The following GP6 variants were observed in gnomAD, a reference collection of about 807,000 sequenced individuals.
GP6 encodes the protein glycoprotein VI platelet.
Under a neutral mutation model 37.3 loss-of-function variants are expected in GP6, and 45 were observed. That is an observed-to-expected ratio of 1.21 (90% CI 0.95 to 1.55). GP6 has a LOEUF of 1.55. GP6 is among the 40% of genes most tolerant of loss of function. The pLI is 0.00. For synonymous variants in GP6, 340 were observed against 316.4 expected, an observed-to-expected ratio of 1.07 and a Z score of -0.79; for missense variants, 813 against 760.2, an observed-to-expected ratio of 1.07 and a Z score of -0.82.
At position 55,027,843 on chromosome 19, in the gene GP6, C is replaced by A; in HGVS notation, c.345G>T (p.Ser115=). ...CCGCCGGGCCGGGCTGGGCTGAGAG[C>A]GAGGGTTTGGCAAAAACTCCTGGGA... Residue 115 remains serine (S), a synonymous_variant, in exon 4 of 8, where the codon TCG becomes TCT. Transcript: ENST00000310373. 3 of 1,614,112 alleles carry A rather than the reference C, an allele frequency of 1.9e-6. No homozygotes were observed. The highest frequency in any genetic ancestry group is 2.5e-6 in the Non-Finnish European group (3 of 1,180,014).
chr19:55,034,800 A>G (rs180962296), intron 1 of GP6, among the ~76,000 whole-genome samples: 21 of 152,136 alleles, frequency 1.4e-4, no homozygotes, highest in African/African-American at 4.6e-4. Flanking sequence ...GGCAGAGGCC[A>G]AGCAACCTTG....
rs1171684667 is a variant in GP6, at chr19:55,014,728, CAG to C, written c.1215_1216del (p.Cys406SerfsTer57). ...ATCCCAAATGGAGGGTGCCCTCAGA[CAG>C]AGAGGCAGACAGACAGACAGACACT... On this transcript the variant is annotated frameshift_variant, in exon 8 of 8. Transcript: ENST00000310373. LOFTEE classifies it low-confidence loss of function (END_TRUNC). The C allele has an allele frequency of 5.6e-6, 9 of 1,612,826 alleles. No individual in the cohort carries two copies. Among genetic ancestry groups the C allele is most frequent in the South Asian group, 1.1e-5 (1 of 90,964 alleles).
intron 1 of GP6, among the ~76,000 whole-genome samples, chr19:55,037,930 T>TA (rs1568658473): frequency 6.6e-6 from 1 of 151,952 alleles, no homozygotes; most frequent in African/African-American, 2.4e-5. Context: ...CCACATTTTT[T>TA]AAAAAAGGGG....
intron 5 of GP6, 141 bp from the exon 6 acceptor site, chr19:55,018,852 G>A (rs1041383980): frequency 2.6e-5 from 19 of 726,288 alleles, no homozygotes; most frequent in African/African-American, 1.4e-4. Context: ...AGACAAATTC[G>A]AAAGGTGTAA....
chr19:55,015,452 T>G (rs1255226616), intron 7 of GP6, among the ~76,000 whole-genome samples: 1 of 152,202 alleles, frequency 6.6e-6, no homozygotes, highest in African/African-American at 2.4e-5. Context: ...AGGACAGTTA[T>G]AAGGGGTGGG....
At chr19:55,020,776 C>A (rs529385428) in intron 5 of GP6, among the ~76,000 whole-genome samples, 1 of 151,986 alleles carries the variant, frequency 6.6e-6, no homozygotes, top group Admixed American at 6.6e-5. Flanking sequence ...TCTGGCCAGG[C>A]GCAGTGGCTC....
rs1057261823 is a variant in GP6, at chr19:55,025,256, G to C, written c.626C>G (p.Pro209Arg). ...AGGTGGTTCTGTTGGTAACCGGCTG[G>C]GGGTCACAGAGGTTCCTGGGAAATC... The change falls in exon 5 of 8, where the codon CCC becomes CGC. Residue 209 changes from proline (P) to arginine (R), a missense_variant. Physicochemically the swap from Pro to Arg is moderately radical, Grantham distance 103 (BLOSUM62 -2). Coordinates refer to ENST00000310373, the MANE Select transcript of GP6 (RefSeq NM_001083899.2). The C allele has an allele frequency of 6.5e-7, 1 of 1,547,910 alleles. No individual in the cohort carries two copies. Among genetic ancestry groups the C allele is most frequent in the Non-Finnish European group, 8.7e-7 (1 of 1,143,414 alleles).
intron 5 of GP6, among the ~76,000 whole-genome samples, chr19:55,019,284 G>A (rs943104898): frequency 6.7e-5 from 10 of 149,242 alleles, no homozygotes; most frequent in Non-Finnish European, 1.2e-4. Flanking sequence ...TTTTTTTTTT[G>A]TACTTTAGTA....
At chr19:55,031,754 C>T (rs1602617270) in intron 3 of GP6, among the ~76,000 whole-genome samples, 1 of 152,076 alleles carries the variant, frequency 6.6e-6, no homozygotes, top group East Asian at 1.9e-4. Context: ...CCCTATCTCT[C>T]TCTCTTTTGT....
At chr19:55,032,748 T>A in intron 1 of GP6, 1 of 657,148 alleles carries the variant, frequency 1.5e-6, no homozygotes, top group South Asian at 1.8e-5. Context: ...ATATCCAGAA[T>A]AGGTAAATCT....
intron 5 of GP6, among the ~76,000 whole-genome samples, chr19:55,020,579 C>T (rs900463375): frequency 6.6e-6 from 1 of 152,108 alleles, no homozygotes; most frequent in African/African-American, 2.4e-5. Context: ...CATAGTATTC[C>T]ATGGTGTATA....
chr19:55,017,992 C>T (rs377721353), intron 6 of GP6, among the ~76,000 whole-genome samples: 11 of 152,030 alleles, frequency 7.2e-5, no homozygotes, highest in African/African-American at 1.9e-4. Flanking sequence ...CGCTTGAACC[C>T]GGGCAGCAGA....
chr19:55,024,305 C>CACAA (rs2074202918), intron 5 of GP6, among the ~76,000 whole-genome samples: 1 of 143,388 alleles, frequency 7.0e-6, no homozygotes, highest in East Asian at 2.1e-4. Flanking sequence ...CGCATGCACA[C>CACAA]ACATATGCAC....
At chr19:55,033,164 C>T (rs1309440266) in intron 1 of GP6, among the ~76,000 whole-genome samples, 1 of 147,754 alleles carries the variant, frequency 6.8e-6, no homozygotes, top group Non-Finnish European at 1.5e-5. Context: ...GTGTTAGACG[C>T]GGTGGGTTCG....
chr19:55,019,520 C>T (rs919375766), intron 5 of GP6, among the ~76,000 whole-genome samples: 3 of 152,106 alleles, frequency 2.0e-5, no homozygotes, highest in African/African-American at 4.8e-5. Flanking sequence ...TCATAGTCAT[C>T]CTAGTTGGCA....
In GP6 at chr19:55,016,957, G is replaced by T. The variant is rs958862445; in HGVS notation, c.725-1224C>A. On this transcript the variant is annotated intron_variant, in intron 6 of 7. Transcript: ENST00000310373. ...TGTAGTCCCAGCTACTCAGGAGCCG[G>T]AGATTGCAGTGAGCTGAGATCGCAG... Among the ~76,000 whole-genome samples, 5 of 151,932 alleles carry T rather than the reference G, an allele frequency of 3.3e-5. 1 individual carries two copies. Among genetic ancestry groups the T allele is most frequent in the Non-Finnish European group, 2.9e-5 (2 of 68,002 alleles).
intron 3 of GP6, among the ~76,000 whole-genome samples, chr19:55,028,695 A>G (rs886194250): frequency 4.6e-5 from 7 of 152,228 alleles, no homozygotes; most frequent in Non-Finnish European, 1.0e-4. Context: ...AACTTGTCCA[A>G]GATCATAAGT....
At chr19:55,034,288 G>C (rs1255028094) in intron 1 of GP6, among the ~76,000 whole-genome samples, 3 of 152,002 alleles carry the variant, frequency 2.0e-5, no homozygotes, top group Non-Finnish European at 4.4e-5. Context: ...CGGGCACGGT[G>C]GCTCATGCCT....
In GP6 at chr19:55,027,866, G is replaced by A; in HGVS notation, c.326-4C>T. The stretch of plus-strand genomic sequence containing the variant: ...AGCGAGGGTTTGGCAAAAACTCCTG[G>A]GAGAAAAAGAAAGTCTGATGTTGAA... On this transcript the variant is annotated splice_polypyrimidine_tract_variant and splice_region_variant and intron_variant, in intron 3 of 7. Transcript: ENST00000310373. The A allele has an allele frequency of 6.2e-7, 1 of 1,614,030 alleles. No individual in the cohort carries two copies. Among genetic ancestry groups the A allele is most frequent in the Non-Finnish European group, 8.5e-7 (1 of 1,179,930 alleles).
Sources: allele counts gnomAD v4.1 joint callset (sites outside exome capture counted in the v4.1 genomes callset), GRCh38; gene constraint gnomAD v4.1.1; transcripts MANE v1.5; gene names NCBI Gene and HGNC (gene_info 2026-07-23, HGNC 2026-07-21).